EFHB: variants seen among roughly 807,000 people sequenced by gnomAD.
EFHB encodes the protein EF-hand domain family member B.
Under a neutral mutation model 87.2 loss-of-function variants are expected in EFHB, and 91 were observed. The observed-to-expected ratio is 1.04, with a 90% CI of 0.88 to 1.24. The LOEUF (loss-of-function observed/expected upper bound fraction) is 1.24. Ranked by LOEUF, EFHB falls within the 50% of genes most tolerant of loss-of-function variation. The pLI, the probability that EFHB is intolerant of heterozygous loss-of-function variation, is 0.00. For synonymous variants in EFHB, 325 were observed against 333.6 expected, an observed-to-expected ratio of 0.97 and a Z score of 0.28; for missense variants, 1,084 against 998.8, an observed-to-expected ratio of 1.09 and a Z score of -1.15.
chr3:19,936,095 A>G, upstream of EFHB: 1 of 1,326,310 alleles, frequency 7.5e-7, no homozygotes, highest in Non-Finnish European at 9.7e-7. Context: ...TAAAATCCAA[A>G]AATATTTTTT....
chr3:19,932,116 C>A (rs1476414719), intron 1 of EFHB, among the ~76,000 whole-genome samples: 1 of 152,170 alleles, frequency 6.6e-6, no homozygotes, highest in Non-Finnish European at 1.5e-5. Flanking sequence ...CCACGTAGAT[C>A]CACAACTGAG....
chr3:19,879,530 T>C lies in EFHB; in HGVS notation c.*101A>G, dbSNP rs1475930343. Reference sequence around the variant, plus strand: ...CATACAGGCATATGAGTCTTACCACTGTGAACTCTAACATAATATCTAAAA... The same window carrying C: ...CATACAGGCATATGAGTCTTACCACCGTGAACTCTAACATAATATCTAAAA... On this transcript the variant is annotated 3_prime_UTR_variant, in exon 13 of 13. Coordinates refer to ENST00000295824, the MANE Select transcript of EFHB (RefSeq NM_144715.4). 3.0e-6 allele frequency: 4 copies of C among 1,315,548 alleles called. No homozygotes were observed. The highest frequency in any genetic ancestry group is 4.1e-6 in the Non-Finnish European group (4 of 975,726). The allele number at this position is 1,315,548 out of a possible 1,614,324, so 81.5% of individuals were successfully genotyped here.
intron 5 of EFHB, among the ~76,000 whole-genome samples, chr3:19,911,909 G>C (rs527691489): frequency 6.6e-6 from 1 of 152,026 alleles, no homozygotes; most frequent in African/African-American, 2.4e-5. Context: ...CCAGGAATTC[G>C]AGACTAGCCT....
intron 1 of EFHB, among the ~76,000 whole-genome samples, chr3:19,940,008 A>C (rs920864526): frequency 6.6e-6 from 1 of 152,098 alleles, no homozygotes; most frequent in East Asian, 1.9e-4. Flanking sequence ...CATCTCTCAA[A>C]CACCACCTTC....
At chr3:19,912,069 A>C (rs1695082899) in intron 5 of EFHB, among the ~76,000 whole-genome samples, 1 of 152,204 alleles carries the variant, frequency 6.6e-6, no homozygotes, top group African/African-American at 2.4e-5. Context: ...CCAAACCTAG[A>C]GAAAGATATC....
At position 19,925,592 on chromosome 3, in the gene EFHB, G is replaced by A. The variant is rs1695595136; in HGVS notation, c.790-5025C>T. ...TCCAAACTGCACCAACCATCTCCTT[G>A]CTCAGCTGCCTCTTTGCTCGGTCCC... On this transcript the variant is annotated intron_variant, in intron 1 of 12. Coordinates refer to ENST00000295824, the MANE Select transcript of EFHB (RefSeq NM_144715.4). 7.2e-5 allele frequency among the ~76,000 whole-genome samples: 11 copies of A among 152,172 alleles called. No homozygotes were observed. The South Asian group carries it at 2.3e-3, about 32-fold the overall frequency.
intron 6 of EFHB, 86 bp from the exon 7 acceptor site, chr3:19,899,601 T>C (rs1694602676): frequency 1.1e-6 from 1 of 885,608 alleles, no homozygotes; most frequent in Non-Finnish European, 1.6e-6. Context: ...AATACCATAG[T>C]ATCATTAGGC....
intron 12 of EFHB, among the ~76,000 whole-genome samples, 195 bp downstream of exon 12, chr3:19,882,355 T>A (rs1220829480): frequency 6.6e-6 from 1 of 152,224 alleles, no homozygotes; most frequent in Non-Finnish European, 1.5e-5. Context: ...GAATTTGCTC[T>A]TTCTGTCACA....
chr3:19,884,585 T>C lies in EFHB; in HGVS notation c.1964A>G (p.Glu655Gly). 6.2e-7 allele frequency: 1 copy of C among 1,613,902 alleles called. No homozygotes were observed. The highest frequency in any genetic ancestry group is 1.1e-5 in the South Asian group (1 of 91,070). Residue 655 changes from glutamate (E) to glycine (G), a missense_variant, in exon 11 of 13, where the codon GAG becomes GGG. Transcript: ENST00000295824. ...TTGTTCAGGTTCTTCAACATTAGCCTCAGTAGGGTTTACACAATCTGGTTT... is the reference window on the plus strand; with the variant it reads ...TTGTTCAGGTTCTTCAACATTAGCCCCAGTAGGGTTTACACAATCTGGTTT... ...GRKPDCVNPT[E>G]ANVEEPEQTL...
At position 19,894,989 on chromosome 3, in the gene EFHB, A is replaced by AAAATATATATATATATATAT. The variant is rs369564576; in HGVS notation, c.1725+1697_1725+1698insATATATATATATATATATTT. The AAAATATATATATATATATAT allele has an allele frequency of 2.7e-3, 392 of 144,470 alleles. 4 individuals are homozygous for AAAATATATATATATATATAT. The highest frequency in any genetic ancestry group is 0.01 in the African/African-American group (386 of 37,774). The allele number at this position is 144,470 out of a possible 1,614,324, so 8.9% of individuals were successfully genotyped here. On this transcript the variant is annotated intron_variant, in intron 9 of 12. Coordinates refer to ENST00000295824, the MANE Select transcript of EFHB (RefSeq NM_144715.4). ...ACAAGAGCAAGACTTTGTCTCAAAA[A>AAAATATATATATATATATAT]ATATATATATGTATATATAAAAATA... is the stretch of plus-strand genomic sequence containing the variant.
intron 5 of EFHB, among the ~76,000 whole-genome samples, chr3:19,913,013 A>G (rs1168661634): frequency 6.6e-6 from 1 of 152,220 alleles, no homozygotes; most frequent in Non-Finnish European, 1.5e-5. Context: ...AATGCCTGTA[A>G]TAATAATAGT....
chr3:19,927,823 T>C (rs749226224), intron 1 of EFHB, among the ~76,000 whole-genome samples: 3 of 152,076 alleles, frequency 2.0e-5, no homozygotes, highest in Non-Finnish European at 4.4e-5. Context: ...TCCCATCCCC[T>C]GGTCAGGATG....
intron 8 of EFHB, 64 bp from the exon 9 acceptor site, chr3:19,896,905 T>C: frequency 7.0e-7 from 1 of 1,422,024 alleles, no homozygotes; most frequent in Non-Finnish European, 9.3e-7. Flanking sequence ...TTCTATCTTT[T>C]AAAAAAAGTG....
Position 19,905,613 on chromosome 3 carries a change from A to C in EFHB, c.1418+7T>G, listed in dbSNP as rs66526230. The C allele has an allele frequency of 0.25, 409,942 of 1,611,492 alleles. 56,072 individuals carry two copies. The highest frequency in any genetic ancestry group is 0.28 in the Non-Finnish European group (335,214 of 1,178,148). On this transcript the variant is annotated splice_region_variant and intron_variant, in intron 6 of 12. Transcript: ENST00000295824. ...CTTGTTCCTGGGCACAGTATAATTAAACTTACATTTGTAGTTCATGGAGCC... is the reference window on the plus strand; with the variant it reads ...CTTGTTCCTGGGCACAGTATAATTACACTTACATTTGTAGTTCATGGAGCC...
intron 12 of EFHB, among the ~76,000 whole-genome samples, chr3:19,880,021 A>G (rs2071634749): frequency 6.6e-6 from 1 of 152,154 alleles, no homozygotes; most frequent in African/African-American, 2.4e-5. Context: ...TAATTTTGTT[A>G]TTATAATATG....
intron 9 of EFHB, among the ~76,000 whole-genome samples, chr3:19,895,278 G>A (rs1272275761): frequency 1.3e-5 from 2 of 151,408 alleles, no homozygotes; most frequent in East Asian, 3.9e-4. Context: ...TCAGGAGATC[G>A]AGACCATCCT....
intron 5 of EFHB, among the ~76,000 whole-genome samples, chr3:19,908,649 A>AAAGAAAGG (rs1694950740): frequency 6.6e-6 from 1 of 151,424 alleles, no homozygotes; most frequent in South Asian, 2.1e-4. Context: ...AGAAAGAAAG[A>AAAGAAAGG]AAGAAAAAGA....
upstream of EFHB, among the ~76,000 whole-genome samples, chr3:19,936,639 G>A (rs367552713): frequency 2.6e-5 from 4 of 152,010 alleles, no homozygotes; most frequent in Admixed American, 2.0e-4. Context: ...AGGCCTAGGC[G>A]GGTGGATCAT....
rs181443924 is a variant in EFHB, at chr3:19,881,952, C to T, written c.2328+598G>A. On this transcript the variant is annotated intron_variant, in intron 12 of 12. Transcript: ENST00000295824. ...TTCAGACCTAGCTGGTTTTATAACC[C>T]TAGCTTTATAACTCATCTAGGAAGA... Among the ~76,000 whole-genome samples the T allele has an allele frequency of 4.7e-4, 72 of 151,838 alleles. No homozygotes were observed. The East Asian group carries it at 7.6e-3, about 16-fold the overall frequency.
Sources: gnomAD v4.1 joint callset for allele counts (sites outside exome capture counted in the v4.1 genomes callset) on GRCh38, gnomAD v4.1.1 for gene constraint, MANE v1.5 for transcripts, NCBI Gene and HGNC (gene_info 2026-07-23, HGNC 2026-07-21) for gene names.